SLC15A2: variants seen among roughly 807,000 people sequenced by gnomAD.
The protein encoded by SLC15A2 is kidney H(+)/peptide cotransporter.
In SLC15A2, 77 loss-of-function variants were observed where a neutral mutation model predicts 95.5. That is an observed-to-expected ratio of 0.81 (90% CI 0.67 to 0.97). The LOEUF is 0.97. SLC15A2 is among the 50% of genes least tolerant of loss of function. The pLI, the probability that SLC15A2 is intolerant of heterozygous loss-of-function variation, is 0.00. For missense variants in SLC15A2, 893 were observed against 874.4 expected (o/e 1.02, Z -0.27); for synonymous variants, 306 against 306.9 (o/e 1.00, Z 0.03).
intron 7 of SLC15A2, among the ~76,000 whole-genome samples, chr3:121,918,132 G>A (rs1463778717): frequency 6.6e-6 from 1 of 152,164 alleles, no homozygotes; most frequent in Non-Finnish European, 1.5e-5. Context: ...TATTTATTTT[G>A]ATTACCGAAT....
At chr3:121,925,935 G>A (rs1710113237) in intron 13 of SLC15A2, among the ~76,000 whole-genome samples, 3 of 151,236 alleles carry the variant, frequency 2.0e-5, no homozygotes, top group African/African-American at 7.3e-5. Flanking sequence ...TTGGCATATG[G>A]CATTTGTTCA....
chr3:121,904,880 G>T (rs1416202539), intron 3 of SLC15A2, among the ~76,000 whole-genome samples: 3 of 152,168 alleles, frequency 2.0e-5, no homozygotes, highest in Non-Finnish European at 4.4e-5. Flanking sequence ...AGTTAGGCAG[G>T]ATTCTCTCTT....
chr3:121,926,131 T>G (rs1242927741), intron 13 of SLC15A2, among the ~76,000 whole-genome samples: 3 of 151,944 alleles, frequency 2.0e-5, no homozygotes, highest in African/African-American at 7.3e-5. Context: ...GAAAAGTAAT[T>G]GGTCATGGAA....
chr3:121,939,936 G>C (rs542146550), intron 20 of SLC15A2, among the ~76,000 whole-genome samples: 2 of 152,002 alleles, frequency 1.3e-5, no homozygotes, highest in Non-Finnish European at 2.9e-5. Flanking sequence ...CTCTTGAGTA[G>C]CTGGGATTAT....
At chr3:121,940,354 T>C in intron 20 of SLC15A2, 30 bp from the exon 21 acceptor site, 3 of 1,581,368 alleles carry the variant, frequency 1.9e-6, no homozygotes, top group Non-Finnish European at 1.7e-6. Flanking sequence ...GAAGGGGGTT[T>C]GTTTACTTTC....
chr3:121,923,437 A>G (rs1015704956), intron 11 of SLC15A2, among the ~76,000 whole-genome samples, 171 bp downstream of exon 11: 2 of 152,244 alleles, frequency 1.3e-5, no homozygotes, highest in Non-Finnish European at 2.9e-5. Flanking sequence ...TTAGAAATAA[A>G]AACCAGAATC....
intron 3 of SLC15A2, among the ~76,000 whole-genome samples, chr3:121,898,161 C>CAAA (rs60394236): frequency 6.4e-5 from 9 of 140,434 alleles, no homozygotes; most frequent in African/African-American, 1.8e-4. Flanking sequence ...GACTCTGTCT[C>CAAA]AAAAAAAAAA....
chr3:121,897,425 G>A lies in SLC15A2; in HGVS notation c.231G>A (p.Trp77Ter). 3.1e-6 allele frequency: 5 copies of A among 1,613,840 alleles called. No individual in the cohort carries two copies. The highest frequency in any genetic ancestry group is 4.2e-6 in the Non-Finnish European group (5 of 1,179,942). Residue 77 changes from tryptophan to a stop codon, truncating the protein, a stop_gained, in exon 3 of 22, where the codon TGG (tryptophan) becomes TGA (stop). Coordinates refer to ENST00000489711, the MANE Select transcript of SLC15A2 (RefSeq NM_021082.4). LOFTEE classifies it high-confidence loss of function. ...LILYFLYFLH[W>*]NEDTSTSIYH... ...TGTATTTCCTGTATTTCCTGCACTGGAATGAAGATACCTCCACATCTATAT... is the reference window on the plus strand; with the variant it reads ...TGTATTTCCTGTATTTCCTGCACTGAAATGAAGATACCTCCACATCTATAT...
At position 121,896,415 on chromosome 3, in the gene SLC15A2, G is replaced by A; in HGVS notation, c.115G>A (p.Gly39Ser). ...PPKKPSPTIC[G>S]SNYPLSIAFI... ...CCTTCTTGTTGAATAGACAATCTGTGGCTCCAACTATCCACTGAGCATTGC... is the reference window on the plus strand; with the variant it reads ...CCTTCTTGTTGAATAGACAATCTGTAGCTCCAACTATCCACTGAGCATTGC... The change falls in exon 2 of 22, where the codon GGC (glycine) becomes AGC (serine). Residue 39 changes from glycine to serine, a missense_variant. Transcript: ENST00000489711. The A allele has an allele frequency of 1.2e-6, 2 of 1,613,460 alleles. No individual in the cohort carries two copies. The highest frequency in any genetic ancestry group is 1.3e-5 in the African/African-American group (1 of 75,006).
chr3:121,938,842 C>A (rs1303753331), intron 19 of SLC15A2, among the ~76,000 whole-genome samples: 1 of 152,218 alleles, frequency 6.6e-6, no homozygotes, highest in Non-Finnish European at 1.5e-5. Context: ...CACTTTAACC[C>A]TTGTTGCAAA....
At chr3:121,909,641 GGTTGTTTTTTT>G (rs1456161124) in intron 3 of SLC15A2, among the ~76,000 whole-genome samples, 1 of 151,666 alleles carries the variant, frequency 6.6e-6, no homozygotes, top group Non-Finnish European at 1.5e-5. Context: ...TTTGTTTTTT[GGTTGTTTTTTT>G]AATCTATAAG....
rs368299574 is a variant in SLC15A2 at position 121,932,830 on chromosome 3, A to G, written c.1761+1095A>G. 4.1e-4 allele frequency among the ~76,000 whole-genome samples: 63 copies of G among 152,230 alleles called. No individual in the cohort carries two copies. In the East Asian group the frequency reaches 8.5e-3, roughly 21 times the overall value. ...CATTGTGCAGGTTAGTTACATATGT[A>G]TACATGTGCCATGCTGGTGCGCTGC... On this transcript the variant is annotated intron_variant, in intron 19 of 21. Coordinates refer to ENST00000489711, the MANE Select transcript of SLC15A2 (RefSeq NM_021082.4).
intron 14 of SLC15A2, 30 bp from the exon 15 acceptor site, chr3:121,928,391 G>A: frequency 6.2e-7 from 1 of 1,607,786 alleles, no homozygotes; most frequent in Non-Finnish European, 8.5e-7. Flanking sequence ...TTATTTGTTG[G>A]TGATTCTGAC....
intron 3 of SLC15A2, among the ~76,000 whole-genome samples, chr3:121,900,281 A>G (rs1709496930): frequency 6.6e-6 from 1 of 152,028 alleles, no homozygotes; most frequent in Non-Finnish European, 1.5e-5. Context: ...GCTTGCCACA[A>G]TCTCTCTCAC....
intron 14 of SLC15A2, 61 bp downstream of exon 14, chr3:121,927,900 T>C: frequency 2.3e-6 from 3 of 1,312,164 alleles, no homozygotes; most frequent in Non-Finnish European, 2.2e-6. Flanking sequence ...ATTTGCTCTT[T>C]TGACTTGTTC....
intron 3 of SLC15A2, among the ~76,000 whole-genome samples, chr3:121,905,077 G>A (rs1164073141): frequency 6.6e-6 from 1 of 152,122 alleles, no homozygotes; most frequent in Admixed American, 6.5e-5. Flanking sequence ...TTTAGTCTTG[G>A]GAGGGTGTAT....
intron 17 of SLC15A2, among the ~76,000 whole-genome samples, chr3:121,929,552 T>C (rs574255248): frequency 6.6e-6 from 1 of 152,306 alleles, no homozygotes; most frequent in African/African-American, 2.4e-5. Context: ...TGACTCTATC[T>C]GTGTATGCCC....
chr3:121,933,326 G>T (rs573105140), intron 19 of SLC15A2, among the ~76,000 whole-genome samples: 145 of 151,358 alleles, frequency 9.6e-4, no homozygotes, highest in Non-Finnish European at 1.5e-3. Flanking sequence ...AGATCCCTGA[G>T]GAATCGCCAC....
chr3:121,933,908 A>G (rs1710284513), intron 19 of SLC15A2, among the ~76,000 whole-genome samples: 1 of 150,620 alleles, frequency 6.6e-6, no homozygotes, highest in African/African-American at 2.4e-5. Context: ...CTAACGTTTA[A>G]GTCTTTAATC....
Sources: gnomAD v4.1 joint callset for allele counts (sites outside exome capture counted in the v4.1 genomes callset) on GRCh38, gnomAD v4.1.1 for gene constraint, MANE v1.5 for transcripts, NCBI Gene and HGNC (gene_info 2026-07-23, HGNC 2026-07-21) for gene names.